TRIM66: variants seen among roughly 807,000 people sequenced by gnomAD.
TRIM66 encodes the protein tripartite motif-containing protein 66.
In TRIM66, 99 loss-of-function variants were observed where a neutral mutation model predicts 148.2. That is an observed-to-expected ratio of 0.67 (90% CI 0.57 to 0.79). The LOEUF is 0.79. Among genes scored for constraint, TRIM66 ranks in the 30% least tolerant of loss-of-function variants. The pLI, the probability that TRIM66 is intolerant of heterozygous loss-of-function variation, is 0.00. For synonymous variants in TRIM66, 616 were observed against 635.9 expected, an observed-to-expected ratio of 0.97 and a Z score of 0.47; for missense variants, 1,666 against 1,697.9, an observed-to-expected ratio of 0.98 and a Z score of 0.33.
intron 3 of TRIM66, among the ~76,000 whole-genome samples, chr11:8,676,757 C>G (rs1383236916): frequency 6.6e-6 from 1 of 152,166 alleles, no homozygotes; most frequent in African/African-American, 2.4e-5. Flanking sequence ...CCCTCTCCTT[C>G]TTATCTCCCC....
chr11:8,613,437 C>T lies in TRIM66; in HGVS notation c.*4507G>A, dbSNP rs539115155. 2.6e-5 allele frequency: 4 copies of T among 152,282 alleles called. No homozygotes were observed. The East Asian group carries it at 7.7e-4, about 29-fold the overall frequency. The allele number at this position is 152,282 out of a possible 1,614,324, so 9.4% of individuals were successfully genotyped here. On this transcript the variant is annotated 3_prime_UTR_variant, in exon 25 of 25. Transcript: ENST00000646038. Reference sequence around the variant, plus strand: ...TCATTCTATTTGGCAACTGGGCAGTCACTGGTGACTTTTATGAAAAAGTAT... The same window carrying T: ...TCATTCTATTTGGCAACTGGGCAGTTACTGGTGACTTTTATGAAAAAGTAT...
intron 6 of TRIM66, among the ~76,000 whole-genome samples, chr11:8,657,377 G>A (rs542231097): frequency 1.2e-4 from 18 of 152,258 alleles, no homozygotes; most frequent in Admixed American, 7.8e-4. Flanking sequence ...ATGCTCCTCC[G>A]CTAGTTCCAA....
intron 1 of TRIM66, chr11:8,680,845 AAAG>A (rs2039379515): frequency 6.6e-6 from 1 of 152,296 alleles, no homozygotes; most frequent in Admixed American, 6.5e-5. Context: ...AAGAACCTGA[AAAG>A]AAGACTGAAA....
Position 8,649,906 on chromosome 11 carries a change from G to A in TRIM66, c.445-19C>T. 1 of 1,546,558 alleles carries A rather than the reference G, an allele frequency of 6.5e-7. No individual in the cohort carries two copies. The highest frequency in any genetic ancestry group is 1.4e-5 in the African/African-American group (1 of 73,058). ...AGCAGTTCTGGAAGCAGAGAGTTCTGGAGTTACTGATGTTATCCTCATTTG... is the reference window on the plus strand; with the variant it reads ...AGCAGTTCTGGAAGCAGAGAGTTCTAGAGTTACTGATGTTATCCTCATTTG... On this transcript the variant is annotated intron_variant, in intron 7 of 24. Coordinates refer to ENST00000646038, the MANE Select transcript of TRIM66 (RefSeq NM_001388022.1).
intron 15 of TRIM66, among the ~76,000 whole-genome samples, chr11:8,637,618 T>C (rs750618430): frequency 4.6e-5 from 7 of 152,296 alleles, no homozygotes; most frequent in East Asian, 1.9e-4. Context: ...AAGACATGCA[T>C]TGCAATGGTA....
At chr11:8,625,665 T>A (rs909134427) in intron 15 of TRIM66, among the ~76,000 whole-genome samples, 38 of 152,206 alleles carry the variant, frequency 2.5e-4, no homozygotes, top group Admixed American at 1.8e-3. Flanking sequence ...CCCCTCTGAC[T>A]ATACCACCAG....
In TRIM66 at chr11:8,618,978, G is replaced by A. The variant is rs1258364055; in HGVS notation, c.3901-10C>T. 7.7e-6 allele frequency: 12 copies of A among 1,550,402 alleles called. No individual in the cohort carries two copies. The Admixed American group carries it at 7.8e-5, about 10-fold the overall frequency. ...CAACCTCGGAGTCAGGCTGATGGGGGAGGAGAGCAGTGATGGTCTAGCCTG... is the reference window on the plus strand; with the variant it reads ...CAACCTCGGAGTCAGGCTGATGGGGAAGGAGAGCAGTGATGGTCTAGCCTG... On this transcript the variant is annotated splice_polypyrimidine_tract_variant and intron_variant, in intron 23 of 24. Transcript: ENST00000646038.
intron 6 of TRIM66, among the ~76,000 whole-genome samples, chr11:8,655,849 C>G (rs1489755544): frequency 6.6e-6 from 1 of 151,636 alleles, no homozygotes; most frequent in Non-Finnish European, 1.5e-5. Context: ...TAGGAAGGAA[C>G]AGACAGCCAA....
In TRIM66 at chr11:8,651,789, T is replaced by C; in HGVS notation, c.444+11A>G. 2.6e-6 allele frequency: 4 copies of C among 1,550,462 alleles called. No homozygotes were observed. Among genetic ancestry groups the C allele is most frequent in the Non-Finnish European group, 2.6e-6 (3 of 1,145,844 alleles). ...AAAAGATCAGCTGCTTCTTTCCTTG[T>C]CCTGACTTACCCTGGCCATCTTGGG... is the stretch of plus-strand genomic sequence containing the variant. On this transcript the variant is annotated intron_variant, in intron 7 of 24. Transcript: ENST00000646038.
intron 6 of TRIM66, among the ~76,000 whole-genome samples, chr11:8,662,362 T>C (rs993739819): frequency 3.9e-5 from 6 of 152,222 alleles, no homozygotes; most frequent in African/African-American, 1.4e-4. Context: ...GATTCTAAGG[T>C]TGTAGCATCT....
intron 6 of TRIM66, among the ~76,000 whole-genome samples, chr11:8,668,438 G>A (rs2133456751): frequency 6.6e-6 from 1 of 152,160 alleles, no homozygotes; most frequent in South Asian, 2.1e-4. Context: ...GGGATACTGA[G>A]ATGGCCCAGT....
chr11:8,640,775 T>A lies in TRIM66; in HGVS notation c.1600A>T (p.Thr534Ser), dbSNP rs1423585531. The A allele has an allele frequency of 4.5e-6, 7 of 1,551,126 alleles. No homozygotes were observed. Among genetic ancestry groups the A allele is most frequent in the Non-Finnish European group, 6.1e-6 (7 of 1,146,994 alleles). Residue 534 changes from threonine to serine, a missense_variant, in exon 14 of 25, where the codon ACC becomes TCC. Physicochemically the swap from Thr to Ser is moderately conservative, Grantham distance 58. Coordinates refer to ENST00000646038, the MANE Select transcript of TRIM66 (RefSeq NM_001388022.1). ...CTCTCCTGCTCCACGGGGGGCTGGG[T>A]TTCCAGCCAGGGCTGCAGCAGCTTT... ...PPKLLQPWLE[T>S]QPPVEQESTS...
At chr11:8,628,636 A>AAAAAAAAAAAAAAAAAGAGAAAG (rs1555042270) in intron 15 of TRIM66, among the ~76,000 whole-genome samples, 1 of 93,340 alleles carries the variant, frequency 1.1e-5, no homozygotes, top group African/African-American at 3.5e-5. Context: ...AAAAAAAAAA[A>AAAAAAAAAAAAAAAAAGAGAAAG]AGAGAGAGAA....
At chr11:8,674,604 CT>C (rs1048916040) in intron 4 of TRIM66, among the ~76,000 whole-genome samples, 11 of 152,160 alleles carry the variant, frequency 7.2e-5, no homozygotes, top group Non-Finnish European at 1.2e-4. Context: ...CCAAGCTGGT[CT>C]CAAATTCCTG....
chr11:8,621,237 G>C lies in TRIM66; in HGVS notation c.3340C>G (p.Arg1114Gly). Residue 1114 changes from arginine (R) to glycine (G), a missense_variant, in exon 20 of 25, where the codon CGG (arginine) becomes GGG (glycine). Physicochemically the swap from Arg to Gly is moderately radical, Grantham distance 125. Coordinates refer to ENST00000646038, the MANE Select transcript of TRIM66 (RefSeq NM_001388022.1). ...KVTVTSLAGQRPPEVEGTSPE... is the reference protein window; with the variant it reads ...KVTVTSLAGQGPPEVEGTSPE... ...GATGTGCCCTCCACTTCTGGTGGCC[G>C]CTGCCCAGCCAAAGAAGTGACAGTG... 1 of 1,551,664 alleles carries C rather than the reference G, an allele frequency of 6.4e-7. No individual in the cohort carries two copies.
intron 6 of TRIM66, among the ~76,000 whole-genome samples, chr11:8,670,244 C>A (rs2038859183): frequency 6.6e-6 from 1 of 152,088 alleles, no homozygotes; most frequent in Non-Finnish European, 1.5e-5. Context: ...AACTCCTGAC[C>A]TCAGATGATT....
At chr11:8,635,680 C>G (rs548982144) in intron 15 of TRIM66, among the ~76,000 whole-genome samples, 6 of 152,306 alleles carry the variant, frequency 3.9e-5, no homozygotes, top group Non-Finnish European at 7.3e-5. Flanking sequence ...CAAACCTCTA[C>G]AGGAGTCCCT....
chr11:8,673,785 C>T (rs1454644497), intron 4 of TRIM66, among the ~76,000 whole-genome samples: 1 of 152,198 alleles, frequency 6.6e-6, no homozygotes, highest in Admixed American at 6.5e-5. Flanking sequence ...GAAGTTGTAG[C>T]TAGTTTTATA....
intron 1 of TRIM66, among the ~76,000 whole-genome samples, 200 bp from the exon 2 acceptor site, chr11:8,680,263 A>G (rs969470573): frequency 6.6e-6 from 1 of 152,198 alleles, no homozygotes; most frequent in East Asian, 1.9e-4. Flanking sequence ...CAAGTGGGCT[A>G]TATTCTGTTG....
Sources: allele counts gnomAD v4.1 joint callset (sites outside exome capture counted in the v4.1 genomes callset), GRCh38; gene constraint gnomAD v4.1.1; transcripts MANE v1.5; gene names NCBI Gene and HGNC (gene_info 2026-07-23, HGNC 2026-07-21).